Variants in PEMT observed in about 807,000 individuals in gnomAD.
PEMT encodes the protein phospholipid methyltransferase.
PEMT carries 23 observed loss-of-function variants against 27.4 expected under a neutral mutation model. The observed-to-expected ratio is 0.84, with a 90% CI of 0.60 to 1.19. The LOEUF (loss-of-function observed/expected upper bound fraction) is 1.19, where lower values mean the gene tolerates loss of function less well. Among genes scored for constraint, PEMT ranks in the 50% most tolerant of loss-of-function variants. The pLI is 0.00. For synonymous variants in PEMT, 137 were observed against 139.1 expected, an observed-to-expected ratio of 0.98 and a Z score of 0.11; for missense variants, 307 against 310.1, an observed-to-expected ratio of 0.99 and a Z score of 0.07.
intron 4 of PEMT, among the ~76,000 whole-genome samples, chr17:17,511,032 G>C (rs1394090488): frequency 6.6e-6 from 1 of 152,082 alleles, no homozygotes; most frequent in East Asian, 1.9e-4. Flanking sequence ...CTTCCTTGCT[G>C]GGACCCCCCC....
At position 17,571,720 on chromosome 17, in the gene PEMT, T is replaced by C. The variant is rs540960531; in HGVS notation, c.204+5200A>G. Among the ~76,000 whole-genome samples, 12 of 150,848 alleles carry C rather than the reference T, an allele frequency of 8.0e-5. No individual in the cohort carries two copies. In the East Asian group the frequency reaches 2.3e-3, roughly 29 times the overall value. ...GTCTGTTTTGTTTTGGGTTTTTTTTTTTTTCTGATACAGGGTCTCACTCTG... is the reference window on the plus strand; with the variant it reads ...GTCTGTTTTGTTTTGGGTTTTTTTTCTTTTCTGATACAGGGTCTCACTCTG... On this transcript the variant is annotated intron_variant, in intron 2 of 6. Coordinates refer to ENST00000255389, the MANE Select transcript of PEMT (RefSeq NM_148172.3).
intron 3 of PEMT, among the ~76,000 whole-genome samples, chr17:17,519,539 G>A (rs1050014507): frequency 6.6e-6 from 1 of 152,232 alleles, no homozygotes; most frequent in Non-Finnish European, 1.5e-5. Context: ...CTTTGCTGCT[G>A]TCTACGGCTG....
At chr17:17,550,242 G>C (rs1283102963) in intron 2 of PEMT, among the ~76,000 whole-genome samples, 1 of 152,214 alleles carries the variant, frequency 6.6e-6, no homozygotes, top group Non-Finnish European at 1.5e-5. Flanking sequence ...CCAAAGGGAG[G>C]GACAGGACAG....
intron 2 of PEMT, among the ~76,000 whole-genome samples, chr17:17,573,942 C>T (rs148667042): frequency 4.7e-4 from 72 of 152,110 alleles, no homozygotes; most frequent in Admixed American, 2.1e-3. Context: ...CCACCACACA[C>T]GGCTAATTTT....
In PEMT at chr17:17,513,569, C is replaced by T. The variant is rs949086949; in HGVS notation, c.321-915G>A. Among the ~76,000 whole-genome samples the T allele has an allele frequency of 1.4e-4, 21 of 152,080 alleles. No homozygotes were observed. Among genetic ancestry groups the T allele is most frequent in the African/African-American group, 4.1e-4 (17 of 41,466 alleles). Reference sequence around the variant, plus strand: ...CTGCACTCCAGCCTGGGCAATAGAGCGAGACTTAGTATCAAAAGAAAAAAG... The same window carrying T: ...CTGCACTCCAGCCTGGGCAATAGAGTGAGACTTAGTATCAAAAGAAAAAAG... On this transcript the variant is annotated intron_variant, in intron 3 of 6. Coordinates refer to ENST00000255389, the MANE Select transcript of PEMT (RefSeq NM_148172.3). This position sits in a 1 kb window ranked among gnomAD's most constrained non-coding sequence, Gnocchi z 4.1.
chr17:17,521,110 G>A (rs1204155284), intron 3 of PEMT, among the ~76,000 whole-genome samples: 2 of 152,238 alleles, frequency 1.3e-5, no homozygotes, highest in African/African-American at 2.4e-5. Flanking sequence ...CAGGCTACAC[G>A]CGCCCCATCC....
intron 1 of PEMT, among the ~76,000 whole-genome samples, chr17:17,585,941 G>C (rs1912220973): frequency 6.6e-6 from 1 of 151,630 alleles, no homozygotes; most frequent in Non-Finnish European, 1.5e-5. Flanking sequence ...AAATTAGCTG[G>C]GCGTGGTGGC....
intron 2 of PEMT, among the ~76,000 whole-genome samples, chr17:17,535,900 G>A (rs181203928): frequency 6.6e-6 from 1 of 152,336 alleles, no homozygotes; most frequent in African/African-American, 2.4e-5. Flanking sequence ...GTGAGCTCAG[G>A]CAGGTCCCCA....
intron 4 of PEMT, among the ~76,000 whole-genome samples, chr17:17,511,282 T>TC (rs1906373128): frequency 6.6e-6 from 1 of 152,062 alleles, no homozygotes; most frequent in African/African-American, 2.4e-5. Context: ...CTGGCTGCTG[T>TC]CCCCCTTCCT....
chr17:17,523,358 C>A lies in PEMT; in HGVS notation c.205-963G>T, dbSNP rs1907427920. Reference sequence around the variant, plus strand: ...TGCTCCACTTCCCAAGTGGACCTGCCTTTCCCAGCAGTTGCGGCAGGAGAG... The same window carrying A: ...TGCTCCACTTCCCAAGTGGACCTGCATTTCCCAGCAGTTGCGGCAGGAGAG... On this transcript the variant is annotated intron_variant, in intron 2 of 6. Coordinates refer to ENST00000255389, the MANE Select transcript of PEMT (RefSeq NM_148172.3). This position sits in a 1 kb window ranked among gnomAD's most constrained non-coding sequence, Gnocchi z 4.8. Among the ~76,000 whole-genome samples the A allele has an allele frequency of 6.6e-6, 1 of 152,198 alleles. No homozygotes were observed. The highest frequency in any genetic ancestry group is 2.4e-5 in the African/African-American group (1 of 41,460).
At chr17:17,585,265 G>C (rs965975929) in intron 1 of PEMT, among the ~76,000 whole-genome samples, 2 of 152,204 alleles carry the variant, frequency 1.3e-5, no homozygotes, top group African/African-American at 4.8e-5. Context: ...ATGAACCTGG[G>C]AGGCGGAGGT....
intron 2 of PEMT, among the ~76,000 whole-genome samples, chr17:17,524,364 A>G (rs1303153656): frequency 6.6e-6 from 1 of 152,172 alleles, no homozygotes; most frequent in Non-Finnish European, 1.5e-5. Context: ...TGTTTGCCAC[A>G]GTGGCTGCCC....
chr17:17,570,433 A>G (rs1344909371), intron 2 of PEMT: 1 of 811,114 alleles, frequency 1.2e-6, no homozygotes, highest in East Asian at 1.2e-4. Context: ...TTGGGGTACT[A>G]CTGACATCTA....
At chr17:17,522,204 G>A (rs1907319344) in intron 3 of PEMT, 76 bp downstream of exon 3, 3 of 1,057,770 alleles carry the variant, frequency 2.8e-6, no homozygotes, top group Non-Finnish European at 4.4e-6. Flanking sequence ...CGCGTGGTGA[G>A]GGATGAGGTA....
intron 2 of PEMT, among the ~76,000 whole-genome samples, chr17:17,553,129 A>G (rs1909783296): frequency 6.6e-6 from 1 of 152,228 alleles, no homozygotes; most frequent in Admixed American, 6.5e-5. Context: ...CGGTGTCCTC[A>G]GGGACCTGTA....
chr17:17,545,106 G>A (rs1253974393), intron 2 of PEMT, among the ~76,000 whole-genome samples: 2 of 152,158 alleles, frequency 1.3e-5, no homozygotes, highest in Non-Finnish European at 2.9e-5. Flanking sequence ...GGTCCTTGCC[G>A]GGCCACACCC....
intron 5 of PEMT, chr17:17,506,913 G>C (rs1905908011): frequency 3.8e-6 from 2 of 520,524 alleles, no homozygotes. Flanking sequence ...CAGGTGGTGG[G>C]ACAGCAGCCC....
chr17:17,531,620 G>GAA (rs1567689662), intron 2 of PEMT, among the ~76,000 whole-genome samples: 2 of 20,472 alleles, frequency 9.8e-5, no homozygotes, highest in Admixed American at 6.5e-4. Context: ...GCTATCATAT[G>GAA]CAAAAAAAAA....
intron 3 of PEMT, among the ~76,000 whole-genome samples, chr17:17,519,994 G>C (rs1407451989): frequency 6.6e-6 from 1 of 152,172 alleles, no homozygotes; most frequent in East Asian, 1.9e-4. Flanking sequence ...TGGTGGTCCC[G>C]GCATGCTCTA....
Sources: gnomAD v4.1 joint callset for allele counts (sites outside exome capture counted in the v4.1 genomes callset) on GRCh38, gnomAD v4.1.1 for gene constraint, Gnocchi (gnomAD v3.1) non-coding constraint, MANE v1.5 for transcripts, NCBI Gene and HGNC (gene_info 2026-07-23, HGNC 2026-07-21) for gene names.